The following FSHR variants were observed in gnomAD, a reference collection of about 807,000 sequenced individuals.
The protein encoded by FSHR is follicle-stimulating hormone receptor.
In FSHR, 46 loss-of-function variants were observed where a neutral mutation model predicts 52.1. That is an observed-to-expected ratio of 0.88 (90% CI 0.70 to 1.13). The LOEUF (loss-of-function observed/expected upper bound fraction) is 1.13, where lower values mean the gene tolerates loss of function less well. Ranked by LOEUF, FSHR falls within the 50% of genes most tolerant of loss-of-function variation. FSHR has a pLI of 0.00. For synonymous variants in FSHR, 399 were observed against 309.6 expected (o/e 1.29, Z -3.03); for missense variants, 964 against 834.6 (o/e 1.16, Z -1.91).
At chr2:48,977,489 G>T (rs544837535) in intron 8 of FSHR, among the ~76,000 whole-genome samples, 2 of 152,274 alleles carry the variant, frequency 1.3e-5, no homozygotes, top group South Asian at 2.1e-4. Context: ...GTAGGAAGGG[G>T]ACAACGTGGC....
chr2:49,127,838 C>CTTT (rs1558456740), intron 1 of FSHR, among the ~76,000 whole-genome samples: 1 of 17,648 alleles, frequency 5.7e-5, no homozygotes, highest in Non-Finnish European at 1.1e-4. Flanking sequence ...TCCTCTTCTT[C>CTTT]TTCTTCTTCT....
chr2:49,014,137 C>G (rs939904385), intron 4 of FSHR, among the ~76,000 whole-genome samples: 2 of 152,170 alleles, frequency 1.3e-5, no homozygotes, highest in Non-Finnish European at 2.9e-5. Flanking sequence ...CTACAGTAGT[C>G]TGTTAGAGCA....
chr2:49,016,743 A>C (rs960082471), intron 4 of FSHR, among the ~76,000 whole-genome samples: 5 of 152,150 alleles, frequency 3.3e-5, no homozygotes, highest in Admixed American at 6.6e-5. Flanking sequence ...TTGGTTATGC[A>C]TGATTATGAT....
intron 1 of FSHR, among the ~76,000 whole-genome samples, chr2:49,095,922 C>G (rs1046209870): frequency 6.6e-6 from 1 of 152,126 alleles, no homozygotes; most frequent in African/African-American, 2.4e-5. Flanking sequence ...TGAAATGCCA[C>G]TTTACATTCA....
intron 1 of FSHR, among the ~76,000 whole-genome samples, chr2:49,083,732 T>G (rs1483664183): frequency 6.7e-6 from 1 of 148,362 alleles, no homozygotes; most frequent in Non-Finnish European, 1.5e-5. Context: ...CCAACAAAGA[T>G]CAAAAGAGAC....
chr2:49,134,548 A>T (rs947300801), intron 1 of FSHR, among the ~76,000 whole-genome samples: 1 of 152,236 alleles, frequency 6.6e-6, no homozygotes, highest in Non-Finnish European at 1.5e-5. Context: ...CATTTGACCC[A>T]GCCATCTCAT....
intron 4 of FSHR, among the ~76,000 whole-genome samples, chr2:49,005,274 C>T (rs558509674): frequency 9.2e-5 from 14 of 152,164 alleles, no homozygotes; most frequent in South Asian, 6.2e-4. Flanking sequence ...TGGAGATGAC[C>T]GGCTTGGGCT....
At chr2:48,972,962 G>A (rs144061273) in intron 8 of FSHR, among the ~76,000 whole-genome samples, 2 of 152,110 alleles carry the variant, frequency 1.3e-5, no homozygotes, top group Non-Finnish European at 2.9e-5. Flanking sequence ...GTAGATTAAA[G>A]ATGACTGCAA....
intron 4 of FSHR, among the ~76,000 whole-genome samples, chr2:48,991,579 C>T (rs1394768587): frequency 6.6e-6 from 1 of 152,148 alleles, no homozygotes; most frequent in Non-Finnish European, 1.5e-5. Flanking sequence ...GCATCTCTCA[C>T]AGTGGTGCCC....
intron 9 of FSHR, among the ~76,000 whole-genome samples, chr2:48,964,939 G>A (rs1354127096): frequency 6.6e-6 from 1 of 151,522 alleles, no homozygotes; most frequent in Non-Finnish European, 1.5e-5. Flanking sequence ...CTTCTGTTTG[G>A]AAGCAAAGGC....
At chr2:48,985,594 TG>T (rs1675466122) in intron 6 of FSHR, among the ~76,000 whole-genome samples, 1 of 152,052 alleles carries the variant, frequency 6.6e-6, no homozygotes, top group Admixed American at 6.6e-5. Flanking sequence ...ACTAGGCTAG[TG>T]TCTGATAATC....
intron 1 of FSHR, among the ~76,000 whole-genome samples, chr2:49,127,787 CT>C (rs1672073806): frequency 5.7e-5 from 3 of 52,640 alleles, no homozygotes; most frequent in African/African-American, 2.4e-4. Flanking sequence ...TCTTCTTCTT[CT>C]TCTTCTTCTT....
At chr2:49,006,180 C>A (rs1042613172) in intron 4 of FSHR, among the ~76,000 whole-genome samples, 1 of 152,050 alleles carries the variant, frequency 6.6e-6, no homozygotes, top group African/African-American at 2.4e-5. Context: ...ATAAACTCCC[C>A]TTTATGTATA....
intron 4 of FSHR, among the ~76,000 whole-genome samples, chr2:49,011,819 C>T (rs1667286016): frequency 6.6e-6 from 1 of 152,046 alleles, no homozygotes; most frequent in Non-Finnish European, 1.5e-5. Flanking sequence ...ACCCTCTGTC[C>T]CCTTGCCGTG....
intron 8 of FSHR, among the ~76,000 whole-genome samples, chr2:48,970,998 A>G (rs2104015460): frequency 6.6e-6 from 1 of 152,306 alleles, no homozygotes; most frequent in Non-Finnish European, 1.5e-5. Context: ...AAGGTCTTAT[A>G]ACTGCCCTCA....
chr2:49,151,637 C>T (rs980542624), intron 1 of FSHR, among the ~76,000 whole-genome samples: 1 of 152,218 alleles, frequency 6.6e-6, no homozygotes, highest in East Asian at 1.9e-4. Context: ...AACAATGAAG[C>T]TTTGACATGT....
At chr2:49,043,568 A>G (rs529720484) in intron 2 of FSHR, among the ~76,000 whole-genome samples, 2 of 152,294 alleles carry the variant, frequency 1.3e-5, no homozygotes, top group South Asian at 4.1e-4. Context: ...TGTAATTTGA[A>G]TCTGTCTGTT....
intron 1 of FSHR, among the ~76,000 whole-genome samples, chr2:49,071,730 T>C (rs1361050467): frequency 6.6e-6 from 1 of 152,160 alleles, no homozygotes; most frequent in Non-Finnish European, 1.5e-5. Context: ...CATCTGCTTC[T>C]GGTGAGGGCC....
At chr2:48,985,871 G>A (rs950565323) in intron 6 of FSHR, among the ~76,000 whole-genome samples, 20 of 147,554 alleles carry the variant, frequency 1.4e-4, no homozygotes, top group Non-Finnish European at 2.4e-4. Flanking sequence ...CCGCCACTGC[G>A]CCCGGCTAAT....
Sources: gnomAD v4.1 joint callset for allele counts (sites outside exome capture counted in the v4.1 genomes callset) on GRCh38, gnomAD v4.1.1 for gene constraint, MANE v1.5 for transcripts, NCBI Gene and HGNC (gene_info 2026-07-23, HGNC 2026-07-21) for gene names.